CDIN1: variants seen among roughly 807,000 people sequenced by gnomAD.
The protein encoded by CDIN1 is CDAN1 interacting nuclease 1, also known as CDAN1-interacting nuclease 1.
A neutral mutation model predicts 45.3 loss-of-function variants in CDIN1; 33 were observed. That is an observed-to-expected ratio of 0.73 (90% confidence interval 0.55 to 0.97). The LOEUF (loss-of-function observed/expected upper bound fraction) is 0.97. Among genes scored for constraint, CDIN1 ranks in the 50% least tolerant of loss-of-function variants. The pLI, the probability that CDIN1 is intolerant of heterozygous loss-of-function variation, is 0.00. For synonymous variants in CDIN1, 118 were observed against 124.4 expected (o/e 0.95, Z 0.34); for missense variants, 303 against 339.4 (o/e 0.89, Z 0.84).
intron 1 of CDIN1, among the ~76,000 whole-genome samples, chr15:36,643,550 A>G (rs1479923863): frequency 1.3e-5 from 2 of 152,242 alleles, no homozygotes; most frequent in African/African-American, 2.4e-5. Context: ...ATTGCTTTTT[A>G]GAGAAAGAAA....
At chr15:36,593,415 TC>T (rs2037675016) in intron 1 of CDIN1, among the ~76,000 whole-genome samples, 1 of 152,140 alleles carries the variant, frequency 6.6e-6, no homozygotes, top group Non-Finnish European at 1.5e-5. Context: ...GTAGCTTGAC[TC>T]CAGTAAATAT....
intron 1 of CDIN1, among the ~76,000 whole-genome samples, chr15:36,634,910 GTT>G (rs1229679452): frequency 6.6e-6 from 1 of 152,098 alleles, no homozygotes; most frequent in African/African-American, 2.4e-5. Flanking sequence ...ATAGGAATGT[GTT>G]TTTTAATTTC....
intron 8 of CDIN1, chr15:36,702,186 G>T: frequency 1.4e-6 from 1 of 700,032 alleles, no homozygotes; most frequent in Non-Finnish European, 2.6e-6. Context: ...TTAAATTCTT[G>T]TCTATCCGAA....
chr15:36,714,472 T>C (rs1294711571), intron 10 of CDIN1, among the ~76,000 whole-genome samples: 2 of 152,172 alleles, frequency 1.3e-5, no homozygotes, highest in South Asian at 2.1e-4. Flanking sequence ...AAATGGAGCC[T>C]TATATACTAT....
intron 10 of CDIN1, among the ~76,000 whole-genome samples, chr15:36,726,912 A>T (rs2043649638): frequency 6.6e-6 from 1 of 152,122 alleles, no homozygotes; most frequent in Non-Finnish European, 1.5e-5. Flanking sequence ...AATTCACCCC[A>T]GCTACACAAG....
At chr15:36,751,634 A>G (rs752362465) in intron 10 of CDIN1, among the ~76,000 whole-genome samples, 12 of 152,104 alleles carry the variant, frequency 7.9e-5, no homozygotes, top group African/African-American at 2.4e-4. Flanking sequence ...TGACCCAGCA[A>G]TCTTATTACT....
chr15:36,619,137 C>A lies in CDIN1; in HGVS notation c.102-25141C>A. On this transcript the variant is annotated intron_variant, in intron 1 of 10. Transcript: ENST00000566621. ...GTAAGGATTATTCTGGCTTCTGAGG[C>A]CATACCATTCCCAGGGGAGCAGCTG... is the stretch of plus-strand genomic sequence containing the variant. 9 of 1,101,110 alleles carry A rather than the reference C, an allele frequency of 8.2e-6. No individual in the cohort carries two copies. In the South Asian group the frequency reaches 1.0e-4, roughly 12 times the overall value. 68.2% of individuals were successfully genotyped at this position (1,101,110 alleles called of 1,614,324 possible). A position where few individuals can be genotyped will look rare whatever the true frequency, so the allele number is the denominator to read the frequency against.
At chr15:36,695,867 C>G (rs2042405726) in intron 7 of CDIN1, among the ~76,000 whole-genome samples, 1 of 150,436 alleles carries the variant, frequency 6.6e-6, no homozygotes, top group African/African-American at 2.4e-5. Context: ...AGGCGGGGGA[C>G]TAATAATAGT....
chr15:36,685,059 CT>C (rs2041991869), intron 5 of CDIN1, among the ~76,000 whole-genome samples: 1 of 151,684 alleles, frequency 6.6e-6, no homozygotes, highest in South Asian at 2.1e-4. Flanking sequence ...TTTTGAAGGG[CT>C]TTTTGTGTCT....
At chr15:36,801,906 T>C (rs1177860912) in intron 10 of CDIN1, among the ~76,000 whole-genome samples, 1 of 152,214 alleles carries the variant, frequency 6.6e-6, no homozygotes, top group Non-Finnish European at 1.5e-5. Context: ...CTTTTTAGCG[T>C]GAAACTATTG....
intron 5 of CDIN1, among the ~76,000 whole-genome samples, chr15:36,667,623 A>G (rs1566882458): frequency 6.6e-6 from 1 of 152,146 alleles, no homozygotes; most frequent in Non-Finnish European, 1.5e-5. Flanking sequence ...AATCAATAAA[A>G]CCAATATTAC....
intron 1 of CDIN1, among the ~76,000 whole-genome samples, chr15:36,634,173 G>A (rs1481821973): frequency 6.6e-6 from 1 of 152,150 alleles, no homozygotes; most frequent in Admixed American, 6.5e-5. Flanking sequence ...ACTCACGCCT[G>A]TAATCGCAGC....
chr15:36,632,714 G>A (rs914182376), intron 1 of CDIN1, among the ~76,000 whole-genome samples: 2 of 152,124 alleles, frequency 1.3e-5, no homozygotes, highest in South Asian at 2.1e-4. Flanking sequence ...TGAATTTCCC[G>A]AGGGGAAGGA....
intron 1 of CDIN1, among the ~76,000 whole-genome samples, chr15:36,601,388 A>T (rs2038094625): frequency 6.6e-6 from 1 of 152,164 alleles, no homozygotes; most frequent in South Asian, 2.1e-4. Context: ...ATTCAGATGG[A>T]GACTAGTGTA....
intron 10 of CDIN1, among the ~76,000 whole-genome samples, chr15:36,769,294 A>C (rs983294184): frequency 6.6e-6 from 1 of 152,194 alleles, no homozygotes; most frequent in Non-Finnish European, 1.5e-5. Flanking sequence ...TGAAATTCAC[A>C]GGATAGGCCG....
In CDIN1 at chr15:36,808,436, T is replaced by C. The variant is rs1056835348; in HGVS notation, c.829T>C (p.Cys277Arg). 9 of 1,613,498 alleles carry C rather than the reference T, an allele frequency of 5.6e-6. No individual in the cohort carries two copies. The highest frequency in any genetic ancestry group is 5.0e-5 in the Admixed American group (3 of 59,942). ...TTTCCCCACGAACATTGTCACCTTA[T>C]GCCACAGCATAGCTTGACCCTGAAG... ...ACFPTNIVTL[C>R]HSIA Residue 277 changes from cysteine (C) to arginine (R), a missense_variant, in exon 11 of 11, where the codon TGC becomes CGC. Physicochemically the swap from Cys to Arg is radical, Grantham distance 180. Transcript: ENST00000566621.
At chr15:36,797,450 C>G (rs1464541457) in intron 10 of CDIN1, among the ~76,000 whole-genome samples, 1 of 152,182 alleles carries the variant, frequency 6.6e-6, no homozygotes, top group African/African-American at 2.4e-5. Flanking sequence ...GTCTTTCCTC[C>G]TAGCAGCCAA....
At chr15:36,796,874 G>C (rs150555605) in intron 10 of CDIN1, among the ~76,000 whole-genome samples, 4 of 152,268 alleles carry the variant, frequency 2.6e-5, no homozygotes, top group African/African-American at 9.6e-5. Context: ...CTATAAAGTT[G>C]ACCTTTGAAG....
chr15:36,604,418 T>TACGCAC (rs2038258045), intron 1 of CDIN1, among the ~76,000 whole-genome samples: 1 of 128,806 alleles, frequency 7.8e-6, no homozygotes, highest in Non-Finnish European at 1.6e-5. Context: ...TTTTAAAAGG[T>TACGCAC]ACACACACAC....
Sources: gnomAD v4.1 joint callset for allele counts (sites outside exome capture counted in the v4.1 genomes callset) on GRCh38, gnomAD v4.1.1 for gene constraint, MANE v1.5 for transcripts, NCBI Gene and HGNC (gene_info 2026-07-23, HGNC 2026-07-21) for gene names.